TJP1: variants seen among roughly 807,000 people sequenced by gnomAD.
The protein encoded by TJP1 is tight junction protein 1.
In TJP1, 43 loss-of-function variants were observed where a neutral mutation model predicts 194.2. The ratio of observed to expected loss-of-function variants is 0.22; its 90% CI spans 0.17 to 0.29. TJP1 has a LOEUF of 0.29. TJP1 is among the 10% of genes least tolerant of loss of function. TJP1 has a pLI of 1.00. For synonymous variants in TJP1, 801 were observed against 779.0 expected (o/e 1.03, Z -0.47); for missense variants, 1,971 against 2,185.7 (o/e 0.90, Z 1.96).
In TJP1 at chr15:29,761,594, C is replaced by G. The variant is rs1197356374; in HGVS notation, c.862+7G>C. 1 of 1,588,942 alleles carries G rather than the reference C, an allele frequency of 6.3e-7. No homozygotes were observed. Among genetic ancestry groups the G allele is most frequent in the Admixed American group, 1.7e-5 (1 of 58,474 alleles). On this transcript the variant is annotated splice_region_variant and intron_variant, in intron 7 of 27. Coordinates refer to ENST00000614355, the MANE Select transcript of TJP1 (RefSeq NM_001330239.4). ...TAGAGGGAACGTTCAAACAGAATCA[C>G]ACTCACCGTCTCTCTCAGAGGCATT...
chr15:29,786,244 A>AATC (rs763009208), intron 2 of TJP1, among the ~76,000 whole-genome samples: 86 of 152,144 alleles, frequency 5.7e-4, no homozygotes, highest in Non-Finnish European at 1.0e-3. Flanking sequence ...CTGATACCCA[A>AATC]ATCATAGTTT....
intron 2 of TJP1, among the ~76,000 whole-genome samples, chr15:29,838,196 A>T (rs2051100609): frequency 6.6e-6 from 1 of 152,336 alleles, no homozygotes; most frequent in South Asian, 2.1e-4. Flanking sequence ...AGGCTGAGGC[A>T]GGTGGATCAC....
intron 2 of TJP1, among the ~76,000 whole-genome samples, chr15:29,858,782 A>G (rs992985853): frequency 2.0e-5 from 3 of 152,106 alleles, no homozygotes; most frequent in Non-Finnish European, 2.9e-5. Flanking sequence ...CCTGGGCCTA[A>G]GTGATCCTCC....
chr15:29,822,039 TCC>T lies in TJP1; in HGVS notation c.-13_-12del. On this transcript the variant is annotated 5_prime_UTR_variant, in exon 1 of 28. Transcript: ENST00000614355. ...AGCTCTGGCGGACATCTTGTCTCTCTCCAGCGCCGCGCGAGGCTCCTCGGACC... is the reference window on the plus strand; with the variant it reads ...AGCTCTGGCGGACATCTTGTCTCTCTAGCGCCGCGCGAGGCTCCTCGGACC... The T allele has an allele frequency of 7.6e-7, 1 of 1,324,042 alleles. No homozygotes were observed. The highest frequency in any genetic ancestry group is 9.7e-7 in the Non-Finnish European group (1 of 1,035,398). 82.0% of individuals were successfully genotyped at this position (1,324,042 alleles called of 1,614,324 possible).
chr15:29,791,698 G>A (rs2048106371), intron 2 of TJP1, among the ~76,000 whole-genome samples: 1 of 151,912 alleles, frequency 6.6e-6, no homozygotes, highest in African/African-American at 2.4e-5. Context: ...CGGCCTCCAT[G>A]CTATTCTTCA....
chr15:29,800,656 G>A lies in TJP1; in HGVS notation c.74C>T (p.Thr25Met), dbSNP rs375824999. Reference protein sequence around the residue: ...ETAIWEQHTVTLHRAPGFGFG... With the variant: ...ETAIWEQHTVMLHRAPGFGFG... ...GCAACACAAACTTACCCTGTGAAGCGTCACTGTATGTTGTTCCCATATAGC... is the reference window on the plus strand; with the variant it reads ...GCAACACAAACTTACCCTGTGAAGCATCACTGTATGTTGTTCCCATATAGC... The change falls in exon 2 of 28, where the codon ACG becomes ATG. Residue 25 changes from threonine to methionine, a missense_variant. Thr to Met is a moderately conservative substitution (Grantham distance 81). Transcript: ENST00000614355. 5.0e-5 allele frequency: 80 copies of A among 1,613,740 alleles called. No individual in the cohort carries two copies. Among genetic ancestry groups the A allele is most frequent in the Non-Finnish European group, 5.9e-5 (70 of 1,179,920 alleles).
chr15:29,807,736 AAAG>A (rs988869739), intron 1 of TJP1, among the ~76,000 whole-genome samples: 19 of 152,310 alleles, frequency 1.2e-4, no homozygotes, highest in African/African-American at 4.1e-4. Context: ...TAACCACACT[AAAG>A]AAGAGTTTAA....
At chr15:29,699,897 A>G (rs2041439655), downstream of TJP1, 1 of 191,036 alleles carries the variant, frequency 5.2e-6, no homozygotes, top group South Asian at 1.9e-4. Context: ...GTGTTTACCC[A>G]CAGGGGGAAG....
intron 2 of TJP1, among the ~76,000 whole-genome samples, chr15:29,881,363 C>T (rs1003965759): frequency 2.0e-5 from 3 of 152,144 alleles, no homozygotes; most frequent in African/African-American, 4.8e-5. Flanking sequence ...ATCAGATACA[C>T]GGTTCACAAA....
At chr15:29,820,390 A>G (rs1311585903) in intron 1 of TJP1, 1 of 622,840 alleles carries the variant, frequency 1.6e-6, no homozygotes, top group Non-Finnish European at 2.9e-6. Context: ...ATCTTAAAAA[A>G]AAGCTTTCAA....
At chr15:29,942,568 C>A (rs1334845544) in intron 2 of TJP1, among the ~76,000 whole-genome samples, 2 of 152,228 alleles carry the variant, frequency 1.3e-5, no homozygotes, top group Admixed American at 1.3e-4. Context: ...CTGGAACTCC[C>A]AAAGTTATAA....
At position 29,718,314 on chromosome 15, in the gene TJP1, A is replaced by G. The variant is rs199517247; in HGVS notation, c.3828T>C (p.Ser1276=). Residue 1276 remains serine (S), a synonymous_variant, in exon 21 of 28, where the codon TCT becomes TCC. Coordinates refer to ENST00000614355, the MANE Select transcript of TJP1 (RefSeq NM_001330239.4). ...CATCCTTCTTGGTCTCTAAGGATGC[A>G]GATCTTTTGTTTTCAAACATCTTAA... The part of the protein sequence containing the change: ...TRVKMFENKR[S]ASLETKKDVN... 1 of 1,614,088 alleles carries G rather than the reference A, an allele frequency of 6.2e-7. No homozygotes were observed. The highest frequency in any genetic ancestry group is 1.3e-5 in the African/African-American group (1 of 75,034).
In TJP1 at chr15:29,956,236, A is replaced by G. The variant is rs1219591542; in HGVS notation, c.302T>C (p.Leu101Pro). ...AGCATTGATCAGTCCACTTACAGTG[A>G]GCTCACAGAAATCCATGCTATCAAG... Residue 101 changes from leucine (L) to proline (P), a missense_variant, in exon 2 of 29, where the codon CTC (leucine) becomes CCC (proline). Coordinates refer to the TJP1 transcript ENST00000356107. 11 of 1,286,276 alleles carry G rather than the reference A, an allele frequency of 8.6e-6. 1 individual carries two copies. The Admixed American group carries it at 2.6e-4, about 30-fold the overall frequency. 79.7% of individuals were successfully genotyped at this position (1,286,276 alleles called of 1,614,324 possible).
intron 2 of TJP1, among the ~76,000 whole-genome samples, chr15:29,939,344 G>T (rs928850823): frequency 2.6e-5 from 4 of 152,132 alleles, no homozygotes; most frequent in Non-Finnish European, 5.9e-5. Context: ...TGGAGCTTTT[G>T]CTATTCTCTC....
At chr15:29,723,561 G>A (rs1472275910) in intron 18 of TJP1, among the ~76,000 whole-genome samples, 1 of 152,170 alleles carries the variant, frequency 6.6e-6, no homozygotes, top group East Asian at 1.9e-4. Context: ...GTTCTTTACA[G>A]CAGTTCAAGA....
rs1214768645 is a variant in TJP1 at position 29,730,737 on chromosome 15, G to T, written c.2017+1696C>A. On this transcript the variant is annotated intron_variant, in intron 15 of 27. Transcript: ENST00000614355. The stretch of plus-strand genomic sequence containing the variant: ...CATGCCCAAGAGAAAGGCTGAAGGG[G>T]ATGCTAAGGGAGATAAAGCCAAGGT... The T allele has an allele frequency of 3.9e-6, 3 of 766,946 alleles. No individual in the cohort carries two copies. The African/African-American group carries it at 5.1e-5, about 13-fold the overall frequency. 47.5% of individuals were successfully genotyped at this position (766,946 alleles called of 1,614,324 possible). A position where few individuals can be genotyped will look rare whatever the true frequency, so the allele number is the denominator to read the frequency against.
intron 2 of TJP1, among the ~76,000 whole-genome samples, chr15:29,837,237 A>G (rs2051065902): frequency 6.6e-6 from 1 of 152,242 alleles, no homozygotes; most frequent in Non-Finnish European, 1.5e-5. Context: ...AAATATAACA[A>G]TACTTTTAAA....
chr15:29,742,610 G>A (rs1170533211), intron 9 of TJP1, 32 bp downstream of exon 9: 3 of 1,514,148 alleles, frequency 2.0e-6, no homozygotes, highest in Admixed American at 2.3e-5. Context: ...ACTTGCAAAT[G>A]TTTCTTGAAC....
chr15:29,803,667 T>C (rs1442062181), intron 1 of TJP1, among the ~76,000 whole-genome samples: 1 of 152,148 alleles, frequency 6.6e-6, no homozygotes, highest in Admixed American at 6.5e-5. Context: ...ATAAAAAATG[T>C]TTATTCTCCT....
Sources: gnomAD v4.1 joint callset for allele counts (sites outside exome capture counted in the v4.1 genomes callset) on GRCh38, gnomAD v4.1.1 for gene constraint, MANE v1.5 for transcripts, NCBI Gene and HGNC (gene_info 2026-07-23, HGNC 2026-07-21) for gene names.